Variants in TERF1 observed in about 807,000 individuals in gnomAD.
The protein encoded by TERF1 is telomeric repeat binding factor 1, also known as telomeric repeat-binding factor 1.
Under a neutral mutation model 55.1 loss-of-function variants are expected in TERF1, and 20 were observed. The ratio of observed to expected loss-of-function variants is 0.36; its 90% CI spans 0.26 to 0.53. TERF1 has a LOEUF of 0.53. TERF1 is among the 20% of genes least tolerant of loss of function. The pLI is 0.91. For missense variants in TERF1, 439 were observed against 535.7 expected (o/e 0.82, Z 1.78); for synonymous variants, 168 against 181.2 (o/e 0.93, Z 0.59).
rs1440363020 is a variant in TERF1 at position 73,020,691 on chromosome 8, G to T, written c.423G>T (p.Gln141His). 4 of 1,598,010 alleles carry T rather than the reference G, an allele frequency of 2.5e-6. No individual in the cohort carries two copies. The African/African-American group carries it at 5.4e-5, about 22-fold the overall frequency. Residue 141 changes from glutamine to histidine, a missense_variant, in exon 3 of 10, where the codon CAG becomes CAT. Coordinates refer to ENST00000276603, the MANE Select transcript of TERF1 (RefSeq NM_017489.3). ...RIAAGKTLDA[Q>H]FENDERITPL... ...TTGTTCTGTTTTTAAAAGATGCACA[G>T]TTTGAAAATGATGAACGAATTACAC...
Position 73,046,364 on chromosome 8 carries a change from C to T in TERF1, c.*227C>T, listed in dbSNP as rs531996109. On this transcript the variant is annotated 3_prime_UTR_variant, in exon 10 of 10. Coordinates refer to ENST00000276603, the MANE Select transcript of TERF1 (RefSeq NM_017489.3). ...AAAATGTAAATTTGTTGAACCCTGC[C>T]ACATTTAGTATCCCCACCCCCAAAT... is the stretch of plus-strand genomic sequence containing the variant. 121 of 308,898 alleles carry T rather than the reference C, an allele frequency of 3.9e-4. No individual in the cohort carries two copies. In the South Asian group the frequency reaches 4.1e-3, roughly 10 times the overall value. 19.1% of individuals were successfully genotyped at this position (308,898 alleles called of 1,614,324 possible). A position where few individuals can be genotyped will look rare whatever the true frequency, so the allele number is the denominator to read the frequency against.
chr8:73,024,354 G>A (rs777043390), intron 4 of TERF1, among the ~76,000 whole-genome samples: 5 of 152,126 alleles, frequency 3.3e-5, no homozygotes, highest in Admixed American at 1.3e-4. Flanking sequence ...AATACGCATC[G>A]TACAACACTA....
chr8:73,026,806 G>C, intron 5 of TERF1, 134 bp from the exon 6 acceptor site: 1 of 666,538 alleles, frequency 1.5e-6, no homozygotes. Flanking sequence ...ACAACACAGT[G>C]CCCTTCATTG....
intron 8 of TERF1, among the ~76,000 whole-genome samples, chr8:73,034,627 T>G (rs1809431677): frequency 6.6e-6 from 1 of 152,188 alleles, no homozygotes; most frequent in African/African-American, 2.4e-5. Context: ...AAAAATCAAG[T>G]TAATTCAGAA....
intron 8 of TERF1, among the ~76,000 whole-genome samples, chr8:73,034,086 G>A (rs1809410304): frequency 6.6e-6 from 1 of 151,788 alleles, no homozygotes; most frequent in Admixed American, 6.6e-5. Context: ...CAAGTAGCTG[G>A]GACCACAGGC....
chr8:73,042,156 G>T (rs1486441390), intron 9 of TERF1, among the ~76,000 whole-genome samples: 2 of 152,248 alleles, frequency 1.3e-5, no homozygotes, highest in East Asian at 3.9e-4. Flanking sequence ...TTGGAAACCA[G>T]AAGTCTCTGT....
At chr8:73,038,476 C>T (rs1292587515) in intron 8 of TERF1, among the ~76,000 whole-genome samples, 3 of 151,866 alleles carry the variant, frequency 2.0e-5, no homozygotes, top group Admixed American at 6.6e-5. Flanking sequence ...AAAAAGTTAC[C>T]TCTAAGAATG....
chr8:73,037,179 A>G (rs961283880), intron 8 of TERF1, among the ~76,000 whole-genome samples: 17 of 77,870 alleles, frequency 2.2e-4, no homozygotes, highest in African/African-American at 6.0e-4. Flanking sequence ...TATAATATAT[A>G]ATATAATAAT....
At chr8:73,040,715 G>A (rs1317525289) in intron 9 of TERF1, among the ~76,000 whole-genome samples, 1 of 151,846 alleles carries the variant, frequency 6.6e-6, no homozygotes, top group Non-Finnish European at 1.5e-5. Context: ...TCTTCTTCTG[G>A]TGTTCCCATT....
intron 8 of TERF1, chr8:73,038,849 C>A: frequency 1.5e-6 from 1 of 653,302 alleles, no homozygotes; most frequent in Admixed American, 5.4e-5. Context: ...TTTTTTTAAA[C>A]AGATAATGGA....
At chr8:73,020,850 A>G (rs1489396753) in intron 3 of TERF1, 45 bp downstream of exon 3, 1 of 1,139,730 alleles carries the variant, frequency 8.8e-7, no homozygotes, top group African/African-American at 1.6e-5. Context: ...CTAGAAAATA[A>G]CATTTAAAAG....
At chr8:73,021,146 TA>T (rs1295828423) in intron 3 of TERF1, among the ~76,000 whole-genome samples, 2 of 152,154 alleles carry the variant, frequency 1.3e-5, no homozygotes, top group African/African-American at 4.8e-5. Context: ...TTTAACCAAG[TA>T]GGGAGAATTT....
intron 9 of TERF1, among the ~76,000 whole-genome samples, chr8:73,039,770 GGTGTGTGTGTGTGTGTGTGT>G (rs35184446): frequency 3.4e-4 from 46 of 136,454 alleles, no homozygotes; most frequent in Non-Finnish European, 5.2e-4. Flanking sequence ...TTGTTTTTGT[GGTGTGTGTGTGTGTGTGTGT>G]GTGTGTGTGT....
Position 73,030,361 on chromosome 8 carries a change from A to G in TERF1, c.913A>G (p.Thr305Ala), listed in dbSNP as rs1201535999. ...TGTTAGTGACAAACAGTCTGCGGTA[A>G]CTGAATCCTCAGAGGGTACAGTATC... is the stretch of plus-strand genomic sequence containing the variant. ...KSVSDKQSAV[T>A]ESSEGTVSLL... Residue 305 changes from threonine (T) to alanine (A), a missense_variant, in exon 7 of 10, where the codon ACT becomes GCT. Coordinates refer to ENST00000276603, the MANE Select transcript of TERF1 (RefSeq NM_017489.3). The G allele has an allele frequency of 2.0e-6, 3 of 1,526,364 alleles. No individual in the cohort carries two copies. The highest frequency in any genetic ancestry group is 2.9e-5 in the African/African-American group (2 of 69,310). The allele number at this position is 1,526,364 out of a possible 1,614,324, so 94.6% of individuals were successfully genotyped here.
intron 2 of TERF1, among the ~76,000 whole-genome samples, chr8:73,015,822 G>A (rs1256547751): frequency 6.6e-6 from 1 of 152,146 alleles, no homozygotes; most frequent in South Asian, 2.1e-4. Flanking sequence ...ATGAAATCCT[G>A]TCATGAAATT....
intron 9 of TERF1, among the ~76,000 whole-genome samples, chr8:73,039,800 TG>T (rs1465632535): frequency 6.6e-6 from 1 of 150,664 alleles, no homozygotes; most frequent in East Asian, 2.1e-4. Context: ...TGTGTGTGTG[TG>T]TGTGTGTGTG....
In TERF1 at chr8:73,045,941, G is replaced by C. The variant is rs1302093690; in HGVS notation, c.1144-20G>C. On this transcript the variant is annotated intron_variant, in intron 9 of 9. Coordinates refer to ENST00000276603, the MANE Select transcript of TERF1 (RefSeq NM_017489.3). ...TGAATAATTGTTTCTGTAAATAACTGTTTTACTTTTTATCAAAAGGCATGG... is the reference window on the plus strand; with the variant it reads ...TGAATAATTGTTTCTGTAAATAACTCTTTTACTTTTTATCAAAAGGCATGG... 6.7e-7 allele frequency: 1 copy of C among 1,500,680 alleles called. No homozygotes were observed. Among genetic ancestry groups the C allele is most frequent in the South Asian group, 1.4e-5 (1 of 72,134 alleles). The allele number at this position is 1,500,680 out of a possible 1,614,324, so 93.0% of individuals were successfully genotyped here.
chr8:73,043,522 C>T (rs774499298), intron 9 of TERF1, among the ~76,000 whole-genome samples: 6 of 152,010 alleles, frequency 3.9e-5, no homozygotes, highest in Non-Finnish European at 8.8e-5. Context: ...ATTTCACATA[C>T]ATAGTTTCTG....
chr8:73,042,994 A>C (rs1001427220), intron 9 of TERF1: 6 of 152,198 alleles, frequency 3.9e-5, no homozygotes, highest in Non-Finnish European at 8.8e-5. Flanking sequence ...TGGTACAATC[A>C]GTTAAATGTA....
Sources: allele counts gnomAD v4.1 joint callset (sites outside exome capture counted in the v4.1 genomes callset), GRCh38; gene constraint gnomAD v4.1.1; transcripts MANE v1.5; gene names NCBI Gene and HGNC (gene_info 2026-07-23, HGNC 2026-07-21).